FAM240A: variants seen among roughly 807,000 people sequenced by gnomAD.
FAM240A encodes the protein family with sequence similarity 240 member A.
In FAM240A, 8 loss-of-function variants were observed where a neutral mutation model predicts 7.3. That is an observed-to-expected ratio of 1.09 (90% CI 0.64 to 1.97). The LOEUF (loss-of-function observed/expected upper bound fraction) is 1.97. Among genes scored for constraint, FAM240A ranks in the 30% most tolerant of loss-of-function variants. The probability of loss-of-function intolerance (pLI) is 0.00; values close to 1 mark genes in which losing one functional copy is unlikely to be tolerated. For synonymous variants in FAM240A, 32 were observed against 35.9 expected (o/e 0.89, Z 0.38); for missense variants, 90 against 102.2 (o/e 0.88, Z 0.52).
chr3:46,618,700 C>T (rs890270029), intron 2 of FAM240A, among the ~76,000 whole-genome samples: 4 of 151,656 alleles, frequency 2.6e-5, no homozygotes, highest in Non-Finnish European at 4.4e-5. Context: ...ATTAGCTAGG[C>T]GTGGTGGTGC....
intron 2 of FAM240A, 132 bp downstream of exon 2, chr3:46,617,460 G>A (rs1697643616): frequency 2.9e-6 from 2 of 683,342 alleles, no homozygotes; most frequent in South Asian, 5.8e-5. Flanking sequence ...CCACGCAATT[G>A]CCCCACTGTC....
intron 2 of FAM240A, among the ~76,000 whole-genome samples, chr3:46,624,726 T>C (rs1170866944): frequency 6.6e-6 from 1 of 152,262 alleles, no homozygotes; most frequent in African/African-American, 2.4e-5. Flanking sequence ...TAACATGTCA[T>C]GTAGTGACAG....
rs1214704404 is a variant in FAM240A, at chr3:46,612,555, G to A, written c.-129G>A. On this transcript the variant is annotated 5_prime_UTR_variant, in exon 1 of 3. Transcript: ENST00000640551. ...GCTGGCACAGCGTTAAGGCTTGCGA[G>A]GGACAAATGTTCCTTTGTTCTTGTT... The A allele has an allele frequency of 1.4e-6, 1 of 734,312 alleles. No individual in the cohort carries two copies. Among genetic ancestry groups the A allele is most frequent in the Non-Finnish European group, 2.4e-6 (1 of 423,412 alleles). The allele number at this position is 734,312 out of a possible 1,614,324, so 45.5% of individuals were successfully genotyped here. A position where few individuals can be genotyped will look rare whatever the true frequency, so the allele number is the denominator to read the frequency against.
At chr3:46,622,468 G>A (rs1697709688) in intron 2 of FAM240A, among the ~76,000 whole-genome samples, 1 of 151,924 alleles carries the variant, frequency 6.6e-6, no homozygotes, top group Non-Finnish European at 1.5e-5. Context: ...CCTATCCCAA[G>A]GTCACAAAGA....
chr3:46,619,456 T>C (rs1408832490), intron 2 of FAM240A, among the ~76,000 whole-genome samples: 2 of 152,158 alleles, frequency 1.3e-5, no homozygotes, highest in African/African-American at 4.8e-5. Flanking sequence ...GACTTGATCT[T>C]CTTTCATTAG....
Position 46,625,393 on chromosome 3 carries a change from G to A in FAM240A, c.*175G>A, listed in dbSNP as rs1209409991. On this transcript the variant is annotated 3_prime_UTR_variant, in exon 3 of 3. Transcript: ENST00000640551. The stretch of plus-strand genomic sequence containing the variant: ...TCCCAGTGTTTGATGGCAGTTATTG[G>A]CCAAGTCAGTCCTCTGTGCATGGGC... The A allele has an allele frequency of 2.1e-6, 1 of 472,528 alleles. No individual in the cohort carries two copies. The allele number at this position is 472,528 out of a possible 1,614,324, so 29.3% of individuals were successfully genotyped here.
intron 1 of FAM240A, among the ~76,000 whole-genome samples, 165 bp from the exon 2 acceptor site, chr3:46,617,018 C>T (rs1380750358): frequency 4.1e-5 from 2 of 48,212 alleles, no homozygotes; most frequent in Non-Finnish European, 1.7e-4. Context: ...TGCACCAACA[C>T]CTATTAGTTT....
Position 46,625,427 on chromosome 3 carries a change from A to G in FAM240A, c.*209A>G. On this transcript the variant is annotated 3_prime_UTR_variant, in exon 3 of 3. Transcript: ENST00000640551. ...GTCCTCTGTGCATGGGCGCCAGGTT[A>G]TTATCCCAAATGTCTCTAAAGATAG... is the stretch of plus-strand genomic sequence containing the variant. 1 of 335,284 alleles carries G rather than the reference A, an allele frequency of 3.0e-6. No individual in the cohort carries two copies. The highest frequency in any genetic ancestry group is 4.9e-5 in the East Asian group (1 of 20,444). The allele number at this position is 335,284 out of a possible 1,614,324, so 20.8% of individuals were successfully genotyped here.
At chr3:46,623,461 C>T (rs967466713) in intron 2 of FAM240A, among the ~76,000 whole-genome samples, 1 of 152,110 alleles carries the variant, frequency 6.6e-6, no homozygotes, top group African/African-American at 2.4e-5. Flanking sequence ...TTATCATTTA[C>T]TGATTATTGA....
intron 1 of FAM240A, 61 bp downstream of exon 1, chr3:46,612,759 T>C (rs1267479762): frequency 5.8e-6 from 8 of 1,373,284 alleles, no homozygotes; most frequent in African/African-American, 1.4e-5. Context: ...ATGGAGGTTA[T>C]GGTTTGTCCA....
At chr3:46,619,979 GA>G (rs1311429631) in intron 2 of FAM240A, among the ~76,000 whole-genome samples, 1 of 152,132 alleles carries the variant, frequency 6.6e-6, no homozygotes, top group Non-Finnish European at 1.5e-5. Flanking sequence ...TGCTTGACTG[GA>G]TCCAAGAAAA....
chr3:46,624,443 T>TAGTAGAGACA (rs1697734013), intron 2 of FAM240A, among the ~76,000 whole-genome samples: 1 of 151,968 alleles, frequency 6.6e-6, no homozygotes, highest in Admixed American at 6.5e-5. Context: ...AGCTAATTTT[T>TAGTAGAGACA]GTGCTTTTAG....
In FAM240A at chr3:46,626,230, G is replaced by C. The variant is rs575791152; in HGVS notation, c.*1012G>C. 6.6e-6 allele frequency: 1 copy of C among 152,346 alleles called. No individual in the cohort carries two copies. The highest frequency in any genetic ancestry group is 1.9e-4 in the East Asian group (1 of 5,192). 9.4% of individuals were successfully genotyped at this position (152,346 alleles called of 1,614,324 possible). On this transcript the variant is annotated 3_prime_UTR_variant, in exon 3 of 3. Coordinates refer to ENST00000640551, the MANE Select transcript of FAM240A (RefSeq NM_001195442.2). Reference sequence around the variant, plus strand: ...ATAATAAGTTAAGCAAATACACTGAGAATGACATTATGGTCTAAGAAGAAT... The same window carrying C: ...ATAATAAGTTAAGCAAATACACTGACAATGACATTATGGTCTAAGAAGAAT...
chr3:46,618,946 T>C (rs2385858), intron 2 of FAM240A, among the ~76,000 whole-genome samples: 69,276 of 147,640 alleles, frequency 0.47, 16,688 homozygotes, highest in African/African-American at 0.57. Flanking sequence ...ATGCATATAA[T>C]AAAAGAATGC....
chr3:46,616,417 T>C lies in FAM240A; in HGVS notation c.16-766T>C, dbSNP rs117864426. ...GATAAGTTGTATAGTGTTTAAGTCTTGGCTTTTAGTGCACTTGTCACCCAA... is the reference window on the plus strand; with the variant it reads ...GATAAGTTGTATAGTGTTTAAGTCTCGGCTTTTAGTGCACTTGTCACCCAA... On this transcript the variant is annotated intron_variant, in intron 1 of 2. Transcript: ENST00000640551. Among the ~76,000 whole-genome samples the C allele has an allele frequency of 7.5e-3, 1,149 of 152,290 alleles. 19 individuals carry two copies. Among genetic ancestry groups the C allele is most frequent in the East Asian group, 0.047 (242 of 5,186 alleles).
chr3:46,624,065 T>A (rs954380443), intron 2 of FAM240A, among the ~76,000 whole-genome samples: 4 of 152,200 alleles, frequency 2.6e-5, no homozygotes, highest in Middle Eastern at 3.2e-3. Context: ...TTAGGATATA[T>A]AATACACATC....
intron 1 of FAM240A, among the ~76,000 whole-genome samples, chr3:46,615,682 C>T (rs1054256754): frequency 2.0e-5 from 3 of 152,220 alleles, no homozygotes; most frequent in South Asian, 4.1e-4. Context: ...CACTCTTCTG[C>T]AGGGGTTCCC....
rs188220229 is a variant in FAM240A, at chr3:46,621,975, C to T, written c.162-3153C>T. The stretch of plus-strand genomic sequence containing the variant: ...CTCTTTGAATTGATATCCATATCTC[C>T]TTAATAGATAAGAACTATTTTACTA... On this transcript the variant is annotated intron_variant, in intron 2 of 2. Transcript: ENST00000640551. Among the ~76,000 whole-genome samples the T allele has an allele frequency of 8.0e-4, 120 of 150,474 alleles. 2 individuals are homozygous for T. The East Asian group carries it at 0.01, about 13-fold the overall frequency.
rs572373050 is a variant in FAM240A, at chr3:46,612,632, G to A, written c.-52G>A. ...GGGGCAGCACAGATGCCTCACAGGC[G>A]GTCAAGTGCGACACATTTGGTTCGA... is the stretch of plus-strand genomic sequence containing the variant. On this transcript the variant is annotated 5_prime_UTR_variant, in exon 1 of 3. Coordinates refer to ENST00000640551, the MANE Select transcript of FAM240A (RefSeq NM_001195442.2). 146 of 1,501,820 alleles carry A rather than the reference G, an allele frequency of 9.7e-5. No homozygotes were observed. The highest frequency in any genetic ancestry group is 1.2e-4 in the Non-Finnish European group (132 of 1,115,282). 93.0% of individuals were successfully genotyped at this position (1,501,820 alleles called of 1,614,324 possible).
Sources: gnomAD v4.1 joint callset for allele counts (sites outside exome capture counted in the v4.1 genomes callset) on GRCh38, gnomAD v4.1.1 for gene constraint, MANE v1.5 for transcripts, NCBI Gene and HGNC (gene_info 2026-07-23, HGNC 2026-07-21) for gene names.